Variants in HS3ST3B1 observed in about 807,000 individuals in gnomAD.
HS3ST3B1 encodes the protein heparan sulfate glucosamine 3-O-sulfotransferase 3B1.
In HS3ST3B1, 13 loss-of-function variants were observed where a neutral mutation model predicts 21.3. The ratio of observed to expected loss-of-function variants is 0.61; its 90% CI spans 0.40 to 0.97. The LOEUF (loss-of-function observed/expected upper bound fraction) is 0.97, where lower values mean the gene tolerates loss of function less well. Among genes scored for constraint, HS3ST3B1 ranks in the 50% least tolerant of loss-of-function variants. The pLI, the probability that HS3ST3B1 is intolerant of heterozygous loss-of-function variation, is 0.00. For missense variants in HS3ST3B1, 459 were observed against 554.8 expected (o/e 0.83, Z 1.73); for synonymous variants, 234 against 254.8 (o/e 0.92, Z 0.78).
At chr17:14,317,123 C>T (rs1909525258) in intron 1 of HS3ST3B1, among the ~76,000 whole-genome samples, 4 of 152,198 alleles carry the variant, frequency 2.6e-5, no homozygotes, top group African/African-American at 7.2e-5. Context: ...TGCATGTACT[C>T]GACTAGCTTT....
intron 1 of HS3ST3B1, among the ~76,000 whole-genome samples, chr17:14,311,752 C>T (rs1288766454): frequency 6.6e-6 from 1 of 152,066 alleles, no homozygotes; most frequent in Non-Finnish European, 1.5e-5. Context: ...TGAACTTGTC[C>T]CTGAGAAGCC....
At position 14,348,389 on chromosome 17, in the gene HS3ST3B1, G is replaced by A. The variant is rs771996441; in HGVS notation, c.*2743G>A. 6.6e-6 allele frequency: 1 copy of A among 152,160 alleles called. No individual in the cohort carries two copies. Among genetic ancestry groups the A allele is most frequent in the Non-Finnish European group, 1.5e-5 (1 of 68,038 alleles). 9.4% of individuals were successfully genotyped at this position (152,160 alleles called of 1,614,324 possible). A position where few individuals can be genotyped will look rare whatever the true frequency, so the allele number is the denominator to read the frequency against. On this transcript the variant is annotated 3_prime_UTR_variant, in exon 2 of 2. Transcript: ENST00000360954. Reference sequence around the variant, plus strand: ...GAATAGAGCAAGTTTTTCTATGTAAGACAAATAAATCAAACATCATGTGCA... The same window carrying A: ...GAATAGAGCAAGTTTTTCTATGTAAAACAAATAAATCAAACATCATGTGCA...
chr17:14,318,077 A>C (rs1909553991), intron 1 of HS3ST3B1, among the ~76,000 whole-genome samples: 1 of 151,432 alleles, frequency 6.6e-6, no homozygotes, highest in South Asian at 2.1e-4. Context: ...GAATCCACAC[A>C]CCCCCTCCCT....
intron 1 of HS3ST3B1, among the ~76,000 whole-genome samples, chr17:14,337,271 C>G (rs1910212875): frequency 6.6e-6 from 1 of 151,286 alleles, no homozygotes; most frequent in Non-Finnish European, 1.5e-5. Flanking sequence ...ATCTGGTAAC[C>G]AACTCTCAGA....
intron 1 of HS3ST3B1, among the ~76,000 whole-genome samples, chr17:14,342,282 G>A (rs1416655562): frequency 6.6e-6 from 1 of 152,184 alleles, no homozygotes; most frequent in Admixed American, 6.5e-5. Context: ...GCCTAGGCAG[G>A]AATCAGTTGG....
rs971546106 is a variant in HS3ST3B1, at chr17:14,301,483, C to T, written c.-36C>T. The T allele has an allele frequency of 9.8e-5, 143 of 1,458,148 alleles. No individual in the cohort carries two copies. The highest frequency in any genetic ancestry group is 1.3e-4 in the Non-Finnish European group (143 of 1,112,602). 90.3% of individuals were successfully genotyped at this position (1,458,148 alleles called of 1,614,324 possible). On this transcript the variant is annotated 5_prime_UTR_variant, in exon 1 of 2. Coordinates refer to ENST00000360954, the MANE Select transcript of HS3ST3B1 (RefSeq NM_006041.3). ...TGCCCGGCGGGACCCACGCCATGTG[C>T]TGAGCCATGTCCCTGGCCGCGCCCG...
Position 14,301,604 on chromosome 17 carries a change from TG to T in HS3ST3B1, c.87del (p.Arg30GlyfsTer116). ...LPQPPPPPPP[V>X]RRKLALLFAM... is the part of the protein sequence containing the mutation. ...CAGCCGCCGCCGCCCCCGCCGCCGG[TG>T]AGGAGGAAGCTCGCGCTGCTCTTCG... is the stretch of plus-strand genomic sequence containing the variant. On this transcript the variant is annotated frameshift_variant, in exon 1 of 2. Transcript: ENST00000360954. LOFTEE classifies it high-confidence loss of function. 1.2e-6 allele frequency: 2 copies of T among 1,604,516 alleles called. No individual in the cohort carries two copies. Among genetic ancestry groups the T allele is most frequent in the African/African-American group, 2.7e-5 (2 of 74,478 alleles).
intron 1 of HS3ST3B1, among the ~76,000 whole-genome samples, chr17:14,315,471 T>C (rs1909467748): frequency 6.6e-6 from 1 of 152,194 alleles, no homozygotes; most frequent in Admixed American, 6.5e-5. Context: ...CCAGGACAGT[T>C]TGTGGGGAGT....
intron 1 of HS3ST3B1, among the ~76,000 whole-genome samples, chr17:14,332,702 C>G (rs1235639989): frequency 6.6e-6 from 1 of 151,942 alleles, no homozygotes; most frequent in Non-Finnish European, 1.5e-5. Flanking sequence ...AGAGCAGGAG[C>G]TAAGGATCCA....
At chr17:14,312,945 C>T (rs1241657865) in intron 1 of HS3ST3B1, among the ~76,000 whole-genome samples, 1 of 148,502 alleles carries the variant, frequency 6.7e-6, no homozygotes, top group Non-Finnish European at 1.5e-5. Context: ...TGCTCTTTCA[C>T]CCAGGCTGGA....
intron 1 of HS3ST3B1, among the ~76,000 whole-genome samples, chr17:14,315,515 C>T (rs541120069): frequency 2.6e-5 from 4 of 152,294 alleles, no homozygotes; most frequent in South Asian, 4.1e-4. Context: ...CGCTATTCCA[C>T]GTTTCTTTGA....
intron 1 of HS3ST3B1, among the ~76,000 whole-genome samples, chr17:14,344,266 G>A (rs1283545673): frequency 6.6e-6 from 1 of 152,190 alleles, no homozygotes; most frequent in Admixed American, 6.5e-5. Flanking sequence ...AGATTCAGGG[G>A]ATGCATGTGC....
chr17:14,319,590 T>A (rs1909595677), intron 1 of HS3ST3B1, among the ~76,000 whole-genome samples: 1 of 152,202 alleles, frequency 6.6e-6, no homozygotes, highest in African/African-American at 2.4e-5. Flanking sequence ...TTCACAAATA[T>A]CACTGGGTAC....
intron 1 of HS3ST3B1, among the ~76,000 whole-genome samples, chr17:14,305,747 G>A (rs1024626085): frequency 2.6e-5 from 4 of 151,370 alleles, no homozygotes; most frequent in Non-Finnish European, 2.9e-5. Context: ...TATACCGTAC[G>A]TGTGTGTGTG....
chr17:14,318,016 T>C (rs1261984530), intron 1 of HS3ST3B1, among the ~76,000 whole-genome samples: 1 of 152,114 alleles, frequency 6.6e-6, no homozygotes, highest in Non-Finnish European at 1.5e-5. Flanking sequence ...CCGATGGTGT[T>C]TGCAAATATG....
chr17:14,337,065 A>G (rs1470891696), intron 1 of HS3ST3B1, among the ~76,000 whole-genome samples: 1 of 152,206 alleles, frequency 6.6e-6, no homozygotes, highest in Non-Finnish European at 1.5e-5. Flanking sequence ...TTATACAAGC[A>G]TAAATTAGAC....
intron 1 of HS3ST3B1, among the ~76,000 whole-genome samples, chr17:14,336,869 G>C (rs753944168): frequency 6.6e-6 from 1 of 152,000 alleles, no homozygotes; most frequent in Non-Finnish European, 1.5e-5. Context: ...TATAAAGAAA[G>C]GAGTTTATTT....
At chr17:14,340,509 G>A (rs1289419917) in intron 1 of HS3ST3B1, among the ~76,000 whole-genome samples, 1 of 152,076 alleles carries the variant, frequency 6.6e-6, no homozygotes. Context: ...CACTGCAGTG[G>A]GTCTCTATAC....
rs1370170274 is a variant in HS3ST3B1, at chr17:14,345,191, C to G, written c.718C>G (p.Gln240Glu). ...PVTRAISDYTQTLSKRPDIPT... is the reference protein window; with the variant it reads ...PVTRAISDYTETLSKRPDIPT... ...GACCAGGGCCATCTCGGACTACACG[C>G]AGACGCTGTCCAAGCGGCCCGACAT... Residue 240 changes from glutamine to glutamate, a missense_variant, in exon 2 of 2, where the codon CAG (glutamine) becomes GAG (glutamate). Coordinates refer to ENST00000360954, the MANE Select transcript of HS3ST3B1 (RefSeq NM_006041.3). 6.5e-7 allele frequency: 1 copy of G among 1,542,902 alleles called. No individual in the cohort carries two copies. The highest frequency in any genetic ancestry group is 8.9e-7 in the Non-Finnish European group (1 of 1,125,904).
Sources: allele counts gnomAD v4.1 joint callset (sites outside exome capture counted in the v4.1 genomes callset), GRCh38; gene constraint gnomAD v4.1.1; transcripts MANE v1.5; gene names NCBI Gene and HGNC (gene_info 2026-07-23, HGNC 2026-07-21).